Variants in STPG2 observed in about 807,000 individuals in gnomAD.
STPG2 encodes sperm tail PG-rich repeat containing 2, also known as sperm-tail PG-rich repeat-containing protein 2.
A neutral mutation model predicts 54.2 loss-of-function variants in STPG2; 56 were observed. The observed-to-expected ratio is 1.03, with a 90% CI of 0.83 to 1.29. The LOEUF is 1.29. Ranked by LOEUF, STPG2 falls within the 50% of genes most tolerant of loss-of-function variation. The pLI is 0.00. For synonymous variants in STPG2, 200 were observed against 181.8 expected, an observed-to-expected ratio of 1.10 and a Z score of -0.81; for missense variants, 596 against 544.9, an observed-to-expected ratio of 1.09 and a Z score of -0.93.
Position 97,987,890 on chromosome 4 carries a change from C to T in STPG2, c.613-6572G>A, listed in dbSNP as rs182287913. ...GTCCCCTGCTCCCATCCTTGTCCAT[C>T]TTCAGTCTACTGACATAGCAGCCAG... On this transcript the variant is annotated intron_variant, in intron 5 of 10. Transcript: ENST00000295268. 2.0e-4 allele frequency among the ~76,000 whole-genome samples: 31 copies of T among 152,190 alleles called. No individual in the cohort carries two copies. The East Asian group carries it at 6.0e-3, about 29-fold the overall frequency.
chr4:98,109,871 A>AT (rs1739296208), intron 3 of STPG2, among the ~76,000 whole-genome samples: 1 of 152,150 alleles, frequency 6.6e-6, no homozygotes, highest in Non-Finnish European at 1.5e-5. Context: ...TATTTGTGAC[A>AT]TGAGAAATAA....
intron 9 of STPG2, among the ~76,000 whole-genome samples, chr4:97,760,672 T>G (rs1368360313): frequency 6.6e-6 from 1 of 152,178 alleles, no homozygotes; most frequent in Non-Finnish European, 1.5e-5. Flanking sequence ...ATACTGTAAC[T>G]CAAATCCTTA....
At chr4:98,123,160 T>C (rs1345624663) in intron 3 of STPG2, among the ~76,000 whole-genome samples, 1 of 152,168 alleles carries the variant, frequency 6.6e-6, no homozygotes, top group African/African-American at 2.4e-5. Context: ...GGTTCATTGA[T>C]TTTTTGAAGG....
At chr4:98,009,766 G>A (rs1735685936) in intron 5 of STPG2, among the ~76,000 whole-genome samples, 1 of 151,972 alleles carries the variant, frequency 6.6e-6, no homozygotes, top group African/African-American at 2.4e-5. Context: ...CCAATGTTGA[G>A]TGCAGATAAT....
At chr4:97,624,865 T>C (rs893154944) in intron 10 of STPG2, among the ~76,000 whole-genome samples, 12 of 152,202 alleles carry the variant, frequency 7.9e-5, no homozygotes, top group African/African-American at 2.9e-4. Flanking sequence ...CAGCACCGTT[T>C]ATTAAATAGG....
intron 9 of STPG2, among the ~76,000 whole-genome samples, chr4:97,714,444 A>C (rs895721687): frequency 4.6e-5 from 7 of 152,142 alleles, no homozygotes; most frequent in Admixed American, 1.3e-4. Context: ...ATTTAAAATA[A>C]GGGAGGACAT....
chr4:97,801,519 T>C (rs577622506), intron 9 of STPG2, among the ~76,000 whole-genome samples: 2 of 152,290 alleles, frequency 1.3e-5, no homozygotes, highest in African/African-American at 4.8e-5. Flanking sequence ...TTGCCAGTAA[T>C]ATAGAAGCTA....
At chr4:97,965,136 C>G (rs1171073525) in intron 7 of STPG2, among the ~76,000 whole-genome samples, 1 of 152,188 alleles carries the variant, frequency 6.6e-6, no homozygotes, top group Non-Finnish European at 1.5e-5. Context: ...CACTCCAGCC[C>G]AAATACTGTG....
intron 9 of STPG2, among the ~76,000 whole-genome samples, chr4:97,819,657 T>C (rs1465417051): frequency 2.0e-5 from 3 of 152,126 alleles, no homozygotes; most frequent in South Asian, 2.1e-4. Flanking sequence ...ATCAACTGTT[T>C]TTCTTCATTT....
At chr4:98,118,537 T>C (rs1739585434) in intron 3 of STPG2, among the ~76,000 whole-genome samples, 1 of 152,154 alleles carries the variant, frequency 6.6e-6, no homozygotes, top group African/African-American at 2.4e-5. Flanking sequence ...GGTATATGTA[T>C]AAACTCACAG....
chr4:97,744,620 T>C (rs1578527849), intron 9 of STPG2, among the ~76,000 whole-genome samples: 1 of 151,338 alleles, frequency 6.6e-6, no homozygotes, highest in Non-Finnish European at 1.5e-5. Context: ...TACAGAACCC[T>C]GTACATACCA....
intron 5 of STPG2, among the ~76,000 whole-genome samples, chr4:98,075,893 T>A (rs1478178309): frequency 2.0e-5 from 3 of 152,196 alleles, no homozygotes; most frequent in African/African-American, 7.2e-5. Context: ...CTGAAACCCT[T>A]GAGGGCACCT....
intron 8 of STPG2, among the ~76,000 whole-genome samples, chr4:97,922,052 T>C (rs28579101): frequency 0.37 from 56,673 of 151,896 alleles, 10,650 homozygotes; most frequent in Middle Eastern, 0.46. Flanking sequence ...TTTAGGCCAA[T>C]GGTTACAAAG....
chr4:97,823,381 T>C (rs1232358922), intron 9 of STPG2, among the ~76,000 whole-genome samples: 1 of 152,144 alleles, frequency 6.6e-6, no homozygotes, highest in Non-Finnish European at 1.5e-5. Context: ...ATATTGTGCT[T>C]GTGCTGTAGA....
chr4:97,628,716 T>C (rs1039154768), intron 10 of STPG2, among the ~76,000 whole-genome samples: 27 of 152,242 alleles, frequency 1.8e-4, no homozygotes, highest in African/African-American at 6.3e-4. Flanking sequence ...CTATTTTTAA[T>C]GGCATGACTG....
chr4:97,594,117 C>T (rs1733219438), intron 10 of STPG2, among the ~76,000 whole-genome samples: 1 of 152,182 alleles, frequency 6.6e-6, no homozygotes, highest in African/African-American at 2.4e-5. Context: ...CAAAACTGTA[C>T]TCGTTCCCCA....
chr4:97,540,625 C>T (rs548434195), intron 4 of STPG2, among the ~76,000 whole-genome samples: 1 of 152,108 alleles, frequency 6.6e-6, no homozygotes, highest in Non-Finnish European at 1.5e-5. Flanking sequence ...TTTTATGAGG[C>T]CAGCATCATC....
intron 10 of STPG2, among the ~76,000 whole-genome samples, chr4:97,665,545 A>C (rs1001606354): frequency 6.6e-6 from 1 of 152,112 alleles, no homozygotes; most frequent in Admixed American, 6.5e-5. Context: ...GAGGAATTAC[A>C]TGCTATCAGT....
intron 4 of STPG2, among the ~76,000 whole-genome samples, chr4:97,513,285 C>T (rs962187295): frequency 1.3e-5 from 2 of 152,092 alleles, no homozygotes; most frequent in Non-Finnish European, 2.9e-5. Flanking sequence ...AACTGCCACT[C>T]GTTCAGTTAT....
Sources: gnomAD v4.1 joint callset for allele counts (sites outside exome capture counted in the v4.1 genomes callset) on GRCh38, gnomAD v4.1.1 for gene constraint, MANE v1.5 for transcripts, NCBI Gene and HGNC (gene_info 2026-07-23, HGNC 2026-07-21) for gene names.